Variants in FGD6 observed in about 807,000 individuals in gnomAD.
FGD6 encodes the protein FYVE, RhoGEF and PH domain-containing protein 6.
FGD6 carries 90 observed loss-of-function variants against 149.4 expected under a neutral mutation model. The ratio of observed to expected loss-of-function variants is 0.60; its 90% CI spans 0.51 to 0.72. The LOEUF (loss-of-function observed/expected upper bound fraction) is 0.72. Among genes scored for constraint, FGD6 ranks in the 30% least tolerant of loss-of-function variants. The pLI, the probability that FGD6 is intolerant of heterozygous loss-of-function variation, is 0.00. For missense variants in FGD6, 1,437 were observed against 1,684.8 expected, an observed-to-expected ratio of 0.85 and a Z score of 2.57; for synonymous variants, 527 against 584.0, an observed-to-expected ratio of 0.90 and a Z score of 1.41.
chr12:95,154,862 T>C (rs1046308785), intron 3 of FGD6, among the ~76,000 whole-genome samples: 1 of 152,242 alleles, frequency 6.6e-6, no homozygotes, highest in African/African-American at 2.4e-5. Flanking sequence ...ATTGGAATCA[T>C]GGATCTAGCA....
intron 12 of FGD6, 99 bp downstream of exon 12, chr12:95,107,464 A>G (rs1878667245): frequency 7.1e-6 from 8 of 1,124,854 alleles, no homozygotes; most frequent in Non-Finnish European, 1.0e-5. Flanking sequence ...TGAGGCTGAT[A>G]TTTGAAGGTG....
chr12:95,119,700 G>A (rs1391939772), intron 8 of FGD6, among the ~76,000 whole-genome samples: 1 of 152,222 alleles, frequency 6.6e-6, no homozygotes, highest in East Asian at 1.9e-4. Context: ...GGAGGCCGAA[G>A]TGGGCAGATC....
At chr12:95,116,363 G>A (rs7977624) in intron 8 of FGD6, among the ~76,000 whole-genome samples, 133,779 of 152,222 alleles carry the variant, frequency 0.88, 59,130 homozygotes, top group African/African-American at 0.97. Flanking sequence ...CTTGTTGTGG[G>A]AAGGAATGCA....
At chr12:95,150,247 G>C (rs191329372) in intron 5 of FGD6, among the ~76,000 whole-genome samples, 4 of 151,850 alleles carry the variant, frequency 2.6e-5, no homozygotes, top group African/African-American at 9.7e-5. Context: ...AGGCTGTCTC[G>C]AACTCCTGAC....
At chr12:95,164,051 T>C (rs1458091190) in intron 3 of FGD6, among the ~76,000 whole-genome samples, 1 of 152,236 alleles carries the variant, frequency 6.6e-6, no homozygotes, top group African/African-American at 2.4e-5. Context: ...AGCAGTTCCC[T>C]GTTAAATAAC....
intron 3 of FGD6, among the ~76,000 whole-genome samples, chr12:95,160,313 A>T (rs1880600116): frequency 6.6e-6 from 1 of 152,202 alleles, no homozygotes; most frequent in Non-Finnish European, 1.5e-5. Context: ...TGTAAATTAA[A>T]ACCACAATGA....
intron 3 of FGD6, among the ~76,000 whole-genome samples, chr12:95,155,297 C>T (rs1364380636): frequency 6.6e-6 from 1 of 152,118 alleles, no homozygotes. Context: ...CAGGCCGAGG[C>T]AGGTGGGTCA....
chr12:95,149,399 T>A (rs1260765600), intron 5 of FGD6, among the ~76,000 whole-genome samples: 1 of 123,826 alleles, frequency 8.1e-6, no homozygotes, highest in Non-Finnish European at 1.6e-5. Flanking sequence ...TAGCATATAT[T>A]ACATAATATA....
chr12:95,126,613 C>T (rs576180571), intron 8 of FGD6, among the ~76,000 whole-genome samples: 27 of 151,882 alleles, frequency 1.8e-4, no homozygotes, highest in African/African-American at 6.5e-4. Flanking sequence ...TGCCTGTAAT[C>T]CCAGCTACTC....
At chr12:95,126,010 C>T (rs1319934590) in intron 8 of FGD6, 1 of 1,360,546 alleles carries the variant, frequency 7.3e-7, no homozygotes, top group Non-Finnish European at 1.1e-6. Context: ...GACATCAATA[C>T]AAAATGGGCA....
intron 5 of FGD6, among the ~76,000 whole-genome samples, chr12:95,144,232 T>A (rs1879941709): frequency 6.6e-6 from 1 of 152,252 alleles, no homozygotes; most frequent in Non-Finnish European, 1.5e-5. Flanking sequence ...TACTACTGGA[T>A]GTTTTCAGGT....
At chr12:95,110,128 C>T (rs919522681) in intron 9 of FGD6, among the ~76,000 whole-genome samples, 2 of 151,958 alleles carry the variant, frequency 1.3e-5, no homozygotes, top group South Asian at 2.1e-4. Context: ...AGGCACCTGC[C>T]ACCACGTCCA....
chr12:95,122,645 C>CAAAAAA (rs397687285), intron 8 of FGD6, among the ~76,000 whole-genome samples: 2 of 64,424 alleles, frequency 3.1e-5, no homozygotes, highest in African/African-American at 1.3e-4. Flanking sequence ...GACTCAGTCT[C>CAAAAAA]AAAAAAAAAA....
rs35515272 is a variant in FGD6, at chr12:95,199,614, C to CTTTT, written c.2441+9225_2441+9228dup. On this transcript the variant is annotated intron_variant, in intron 2 of 20. Coordinates refer to ENST00000343958, the MANE Select transcript of FGD6 (RefSeq NM_018351.4). ...AAAAATTAAGTAGTGGAAAAGCTAC[C>CTTTT]TTTTTTTTTTTTTTTTTTGAGATGG... Among the ~76,000 whole-genome samples, 29 of 128,682 alleles carry CTTTT rather than the reference C, an allele frequency of 2.3e-4. 1 individual carries two copies. The highest frequency in any genetic ancestry group is 7.1e-4 in the African/African-American group (24 of 33,856). 84.4% of individuals were successfully genotyped at this position (128,682 alleles called of 152,430 possible).
chr12:95,099,948 C>T (rs1878363828), intron 14 of FGD6, among the ~76,000 whole-genome samples: 1 of 151,978 alleles, frequency 6.6e-6, no homozygotes, highest in South Asian at 2.1e-4. Context: ...GTTTCTTTAA[C>T]ATACTATACC....
At chr12:95,124,084 T>C (rs1879267693) in intron 8 of FGD6, among the ~76,000 whole-genome samples, 1 of 151,842 alleles carries the variant, frequency 6.6e-6, no homozygotes, top group Middle Eastern at 3.4e-3. Context: ...TGGCTAATTT[T>C]TTTTTTTTAA....
chr12:95,154,890 C>T lies in FGD6; in HGVS notation c.2587-1897G>A, dbSNP rs116936039. Among the ~76,000 whole-genome samples, 291 of 152,270 alleles carry T rather than the reference C, an allele frequency of 1.9e-3. No individual in the cohort carries two copies. The East Asian group carries it at 0.026, about 13-fold the overall frequency. The stretch of plus-strand genomic sequence containing the variant: ...ATCTAGCAGATCTGTTTCCCTGAGA[C>T]TCACTGTGATGGATCACATGACTAT... On this transcript the variant is annotated intron_variant, in intron 3 of 20. Transcript: ENST00000343958.
intron 8 of FGD6, among the ~76,000 whole-genome samples, chr12:95,133,700 T>A (rs61937893): frequency 0.036 from 5,557 of 152,296 alleles, 153 homozygotes; most frequent in South Asian, 0.1. Flanking sequence ...GTATTATATA[T>A]GCATATTAAG....
chr12:95,202,849 A>G (rs1199868791), intron 2 of FGD6, among the ~76,000 whole-genome samples: 2 of 152,240 alleles, frequency 1.3e-5, no homozygotes, highest in Admixed American at 6.5e-5. Flanking sequence ...CACAAAGTTA[A>G]AGAGGCATAC....
Sources: gnomAD v4.1 joint callset for allele counts (sites outside exome capture counted in the v4.1 genomes callset) on GRCh38, gnomAD v4.1.1 for gene constraint, MANE v1.5 for transcripts, NCBI Gene and HGNC (gene_info 2026-07-23, HGNC 2026-07-21) for gene names.